ZNF546: variants seen among roughly 807,000 people sequenced by gnomAD.
ZNF546 encodes the protein zinc finger protein 546.
Under a neutral mutation model 76.2 loss-of-function variants are expected in ZNF546, and 60 were observed. That is an observed-to-expected ratio of 0.79 (90% CI 0.64 to 0.98). ZNF546 has a LOEUF of 0.98. Ranked by LOEUF, ZNF546 falls within the 50% of genes least tolerant of loss-of-function variation. The pLI, the probability that ZNF546 is intolerant of heterozygous loss-of-function variation, is 0.00. For missense variants in ZNF546, 936 were observed against 1,035.6 expected, an observed-to-expected ratio of 0.90 and a Z score of 1.32; for synonymous variants, 277 against 328.1, an observed-to-expected ratio of 0.84 and a Z score of 1.68.
rs139582185 is a variant in ZNF546, at chr19:40,014,643, G to A, written c.1373G>A (p.Arg458Gln). ...TTTCGTCTTCAAACGGAACTTACTC[G>A]GCATCATAGAACTCATACTGGTGAG... is the stretch of plus-strand genomic sequence containing the variant. ...KAFRLQTELT[R>Q]HHRTHTGEKP... Residue 458 changes from arginine (R) to glutamine (Q), a missense_variant, in exon 7 of 7, where the codon CGG (arginine) becomes CAG (glutamine). Arg to Gln is a conservative substitution (Grantham distance 43). Coordinates refer to ENST00000347077, the MANE Select transcript of ZNF546 (RefSeq NM_178544.5). 1.2e-5 allele frequency: 20 copies of A among 1,606,712 alleles called. No homozygotes were observed. The East Asian group carries it at 1.6e-4, about 13-fold the overall frequency.
Position 40,019,636 on chromosome 19 carries a change from T to C in ZNF546, c.*3855T>C, listed in dbSNP as rs1222867223. The C allele has an allele frequency of 6.6e-6, 1 of 152,218 alleles. No individual in the cohort carries two copies. Among genetic ancestry groups the C allele is most frequent in the Non-Finnish European group, 1.5e-5 (1 of 68,038 alleles). The allele number at this position is 152,218 out of a possible 1,614,324, so 9.4% of individuals were successfully genotyped here. A position where few individuals can be genotyped will look rare whatever the true frequency, so the allele number is the denominator to read the frequency against. On this transcript the variant is annotated 3_prime_UTR_variant, in exon 7 of 7. Coordinates refer to ENST00000347077, the MANE Select transcript of ZNF546 (RefSeq NM_178544.5). ...ATTTCACTAGCTCTTTCTACACTGA[T>C]ATTATAATCCTGATAATACAACAGA...
In ZNF546 at chr19:40,016,051, A is replaced by G. The variant is rs1971762613; in HGVS notation, c.*270A>G. The G allele has an allele frequency of 6.9e-6, 3 of 437,522 alleles. No individual in the cohort carries two copies. Among genetic ancestry groups the G allele is most frequent in the African/African-American group, 2.0e-5 (1 of 50,268 alleles). 27.1% of individuals were successfully genotyped at this position (437,522 alleles called of 1,614,324 possible). A position where few individuals can be genotyped will look rare whatever the true frequency, so the allele number is the denominator to read the frequency against. Reference sequence around the variant, plus strand: ...TTGAACAGTGCTTCTCTAAAATGCAATAATAATGGGCCAGGTGAAGTGGCT... The same window carrying G: ...TTGAACAGTGCTTCTCTAAAATGCAGTAATAATGGGCCAGGTGAAGTGGCT... On this transcript the variant is annotated 3_prime_UTR_variant, in exon 7 of 7. Coordinates refer to ENST00000347077, the MANE Select transcript of ZNF546 (RefSeq NM_178544.5).
intron 6 of ZNF546, 149 bp downstream of exon 6, chr19:40,008,714 A>G: frequency 2.0e-6 from 1 of 509,018 alleles, no homozygotes; most frequent in Non-Finnish European, 3.5e-6. Flanking sequence ...AAGCATTCAG[A>G]TTCTCTCTAC....
intron 3 of ZNF546, among the ~76,000 whole-genome samples, chr19:40,004,295 C>G (rs966370872): frequency 6.6e-6 from 1 of 151,534 alleles, no homozygotes; most frequent in Non-Finnish European, 1.5e-5. Flanking sequence ...TGAGATGAGT[C>G]TCACTCCCGT....
In ZNF546 at chr19:40,017,542, G is replaced by T. The variant is rs1971788321; in HGVS notation, c.*1761G>T. 6.6e-6 allele frequency: 1 copy of T among 152,136 alleles called. No homozygotes were observed. The highest frequency in any genetic ancestry group is 1.5e-5 in the Non-Finnish European group (1 of 68,012). 9.4% of individuals were successfully genotyped at this position (152,136 alleles called of 1,614,324 possible). A position where few individuals can be genotyped will look rare whatever the true frequency, so the allele number is the denominator to read the frequency against. On this transcript the variant is annotated 3_prime_UTR_variant, in exon 7 of 7. Transcript: ENST00000347077. ...AATAAAGGCTGCCTCCTACTTAATTGCTATATAACAATTGTCCAACCTGTC... is the reference window on the plus strand; with the variant it reads ...AATAAAGGCTGCCTCCTACTTAATTTCTATATAACAATTGTCCAACCTGTC...
Position 39,998,419 on chromosome 19 carries a change from A to G in ZNF546, c.84+9A>G. On this transcript the variant is annotated intron_variant, in intron 3 of 6. Coordinates refer to ENST00000347077, the MANE Select transcript of ZNF546 (RefSeq NM_178544.5). The stretch of plus-strand genomic sequence containing the variant: ...ACTCACTTTCTATAATGGTAGAGAA[A>G]TGCATATCCTGGAGTCTAAAGTTAA... 1 of 1,608,920 alleles carries G rather than the reference A, an allele frequency of 6.2e-7. No individual in the cohort carries two copies. Among genetic ancestry groups the G allele is most frequent in the South Asian group, 1.1e-5 (1 of 90,964 alleles).
intron 6 of ZNF546, among the ~76,000 whole-genome samples, chr19:40,010,402 GAA>G (rs552930374): frequency 8.0e-5 from 9 of 112,918 alleles, no homozygotes; most frequent in East Asian, 2.6e-4. Context: ...GATAATGTCT[GAA>G]AAAAAAAAAA....
In ZNF546 at chr19:40,011,830, C is replaced by A. The variant is rs150917632; in HGVS notation, c.395-1835C>A. ...TGCAGACGCATCACTGCAGTCTCTG[C>A]CTCCATCTTCATGGCACCCTCTCTT... On this transcript the variant is annotated intron_variant, in intron 6 of 6. Coordinates refer to ENST00000347077, the MANE Select transcript of ZNF546 (RefSeq NM_178544.5). Among the ~76,000 whole-genome samples the A allele has an allele frequency of 8.5e-3, 1,297 of 152,290 alleles. 17 individuals carry two copies. Among genetic ancestry groups the A allele is most frequent in the African/African-American group, 0.03 (1,232 of 41,550 alleles).
intron 4 of ZNF546, 24 bp downstream of exon 4, chr19:40,006,206 G>A (rs577349519): frequency 1.3e-6 from 2 of 1,587,680 alleles, no homozygotes; most frequent in Admixed American, 3.4e-5. Flanking sequence ...TTTCTTCCTT[G>A]AAATACTGTG....
rs2111544 is a variant in ZNF546, at chr19:40,014,028, C to T, written c.758C>T (p.Ala253Val). The change falls in exon 7 of 7, where the codon GCC becomes GTC. Residue 253 changes from alanine (A) to valine (V), a missense_variant. Physicochemically the swap from Ala to Val is moderately conservative, Grantham distance 64 (BLOSUM62 0). Coordinates refer to ENST00000347077, the MANE Select transcript of ZNF546 (RefSeq NM_178544.5). ...TATAAATGTATGGAATGTGGAAAGG[C>T]CTTTTGTCGAGTGGGAGACCTTAGA... ...RPYKCMECGKAFCRVGDLRVH... is the reference protein window; with the variant it reads ...RPYKCMECGKVFCRVGDLRVH... 62,004 of 1,611,686 alleles carry T rather than the reference C, an allele frequency of 0.038. 2,241 individuals are homozygous for T. Among genetic ancestry groups the T allele is most frequent in the East Asian group, 0.16 (7,049 of 44,798 alleles).
In ZNF546 at chr19:40,010,654, A is replaced by G. The variant is rs548604581; in HGVS notation, c.394+2089A>G. ...ATATATCTTCTTTGGTGAAGCATCT[A>G]TTACAGTCTTCTGCTCATTCTCTTT... On this transcript the variant is annotated intron_variant, in intron 6 of 6. Transcript: ENST00000347077. 4.6e-5 allele frequency among the ~76,000 whole-genome samples: 7 copies of G among 152,092 alleles called. No homozygotes were observed. In the South Asian group the frequency reaches 6.2e-4, roughly 14 times the overall value.
At chr19:39,997,534 T>C (rs938076966) in intron 1 of ZNF546, among the ~76,000 whole-genome samples, 1 of 152,150 alleles carries the variant, frequency 6.6e-6, no homozygotes, top group Admixed American at 6.5e-5. Flanking sequence ...AGCAAGAAGG[T>C]ACAGACCTGG....
chr19:40,004,101 ATATATAT>A (rs1219367228), intron 3 of ZNF546, among the ~76,000 whole-genome samples: 13 of 140,986 alleles, frequency 9.2e-5, no homozygotes, highest in Non-Finnish European at 1.8e-4. Flanking sequence ...TAATATATAA[ATATATAT>A]TATATATATA....
rs1298685628 is a variant in ZNF546 at position 40,015,027 on chromosome 19, G to A, written c.1757G>A (p.Cys586Tyr). Reference protein sequence around the residue: ...TSESTYICKECGKIFSRRYNL... With the variant: ...TSESTYICKEYGKIFSRRYNL... ...GAGAGCACCTACATATGTAAAGAATGTGGGAAGATTTTTAGTCGTCGCTAT... is the reference window on the plus strand; with the variant it reads ...GAGAGCACCTACATATGTAAAGAATATGGGAAGATTTTTAGTCGTCGCTAT... Residue 586 changes from cysteine (C) to tyrosine (Y), a missense_variant, in exon 7 of 7, where the codon TGT becomes TAT. Cys to Tyr is a radical substitution (Grantham distance 194, BLOSUM62 -2). Coordinates refer to ENST00000347077, the MANE Select transcript of ZNF546 (RefSeq NM_178544.5). 6.2e-7 allele frequency: 1 copy of A among 1,614,106 alleles called. No homozygotes were observed. Among genetic ancestry groups the A allele is most frequent in the East Asian group, 2.2e-5 (1 of 44,870 alleles).
rs1568388575 is a variant in ZNF546 at position 40,014,365 on chromosome 19, C to T, written c.1095C>T (p.Thr365=). ...RPYECKVCGK[T]FRVQRHISQH... ...ATGAATGTAAGGTTTGTGGCAAGAC[C>T]TTTAGGGTACAACGACATATTAGTC... Residue 365 remains threonine, a synonymous_variant, in exon 7 of 7, where the codon ACC becomes ACT. Coordinates refer to ENST00000347077, the MANE Select transcript of ZNF546 (RefSeq NM_178544.5). 1.9e-6 allele frequency: 3 copies of T among 1,613,918 alleles called. No individual in the cohort carries two copies. The highest frequency in any genetic ancestry group is 2.2e-5 in the East Asian group (1 of 44,858).
intron 4 of ZNF546, among the ~76,000 whole-genome samples, chr19:40,007,049 G>T (rs1183677160): frequency 1.3e-5 from 2 of 152,130 alleles, no homozygotes; most frequent in Admixed American, 6.5e-5. Context: ...GCACATAATG[G>T]GCAATGTGCT....
chr19:40,014,939 G>T lies in ZNF546; in HGVS notation c.1669G>T (p.Glu557Ter). 6.2e-7 allele frequency: 1 copy of T among 1,614,158 alleles called. No individual in the cohort carries two copies. The highest frequency in any genetic ancestry group is 8.5e-7 in the Non-Finnish European group (1 of 1,180,032). Residue 557 changes from glutamate (E) to a stop codon, truncating the protein, a stop_gained, in exon 7 of 7, where the codon GAA becomes TAA. Coordinates refer to ENST00000347077, the MANE Select transcript of ZNF546 (RefSeq NM_178544.5). LOFTEE classifies it high-confidence loss of function. ...ATGTGAGAAACCCTATGAATGTAAGGAATGTGGGAAGGCTTTTATTCATAG... is the reference window on the plus strand; with the variant it reads ...ATGTGAGAAACCCTATGAATGTAAGTAATGTGGGAAGGCTTTTATTCATAG... ...HTCEKPYECK[E>*]CGKAFIHSNQ... is the part of the protein sequence containing the mutation.
chr19:40,012,755 T>G (rs888645158), intron 6 of ZNF546, among the ~76,000 whole-genome samples: 13 of 152,076 alleles, frequency 8.5e-5, no homozygotes, highest in African/African-American at 2.9e-4. Flanking sequence ...TTTCCCTAAA[T>G]CCATCCTAAA....
At chr19:40,010,752 G>A (rs570937215) in intron 6 of ZNF546, among the ~76,000 whole-genome samples, 11 of 151,914 alleles carry the variant, frequency 7.2e-5, no homozygotes, top group Non-Finnish European at 1.2e-4. Flanking sequence ...GTGCGACCTC[G>A]GCTCACTGCA....
Sources: allele counts gnomAD v4.1 joint callset (sites outside exome capture counted in the v4.1 genomes callset), GRCh38; gene constraint gnomAD v4.1.1; transcripts MANE v1.5; gene names NCBI Gene and HGNC (gene_info 2026-07-23, HGNC 2026-07-21).